CWH43: variants seen among roughly 807,000 people sequenced by gnomAD.
CWH43 encodes the protein cell wall biogenesis 43 C-terminal homolog, also known as PGAP2-interacting protein.
A neutral mutation model predicts 85.7 loss-of-function variants in CWH43; 91 were observed. The ratio of observed to expected loss-of-function variants is 1.06; its 90% CI spans 0.90 to 1.26. The LOEUF is 1.26. Ranked by LOEUF, CWH43 falls within the 50% of genes most tolerant of loss-of-function variation. The pLI, the probability that CWH43 is intolerant of heterozygous loss-of-function variation, is 0.00. For missense variants in CWH43, 869 were observed against 839.2 expected (o/e 1.04, Z -0.44); for synonymous variants, 323 against 293.6 (o/e 1.10, Z -1.02).
intron 13 of CWH43, among the ~76,000 whole-genome samples, chr4:49,038,576 G>GA (rs754799613): frequency 2.6e-4 from 39 of 152,240 alleles, no homozygotes; most frequent in African/African-American, 5.8e-4. Flanking sequence ...AAGAGAACCA[G>GA]AAAAAATCTG....
intron 15 of CWH43, among the ~76,000 whole-genome samples, chr4:49,059,132 G>A (rs1410648860): frequency 3.9e-5 from 6 of 152,016 alleles, no homozygotes; most frequent in Non-Finnish European, 2.9e-5. Flanking sequence ...AATTTCTGTA[G>A]GCTATCTCCA....
chr4:49,030,777 G>C (rs748803293), intron 10 of CWH43, 48 bp from the exon 11 acceptor site: 1 of 1,483,300 alleles, frequency 6.7e-7, no homozygotes, highest in East Asian at 2.5e-5. Context: ...ATTGTTTTTT[G>C]CCTTGCTGTG....
At chr4:49,027,405 A>G (rs1177897580) in intron 9 of CWH43, among the ~76,000 whole-genome samples, 1 of 152,192 alleles carries the variant, frequency 6.6e-6, no homozygotes, top group Non-Finnish European at 1.5e-5. Context: ...GATGACATCT[A>G]GAATTAATTA....
intron 15 of CWH43, 130 bp from the exon 16 acceptor site, chr4:49,061,682 C>T (rs1311373850): frequency 1.6e-5 from 13 of 804,968 alleles, no homozygotes; most frequent in Non-Finnish European, 2.2e-5. Context: ...TTTGCCTTTC[C>T]TATATGCATG....
intron 1 of CWH43, among the ~76,000 whole-genome samples, chr4:48,987,766 GTA>G (rs1782539881): frequency 6.6e-6 from 1 of 152,150 alleles, no homozygotes; most frequent in South Asian, 2.1e-4. Flanking sequence ...TCAGATCTGG[GTA>G]TTCCACTACC....
intron 12 of CWH43, among the ~76,000 whole-genome samples, chr4:49,037,084 G>T (rs1478405209): frequency 6.6e-6 from 1 of 152,106 alleles, no homozygotes; most frequent in Non-Finnish European, 1.5e-5. Flanking sequence ...AGTTCACTTT[G>T]TTTGAAACAT....
intron 15 of CWH43, among the ~76,000 whole-genome samples, chr4:49,057,039 G>T (rs1263947941): frequency 1.3e-5 from 2 of 152,150 alleles, no homozygotes; most frequent in African/African-American, 4.8e-5. Flanking sequence ...TCTTGAATTT[G>T]TTAAGGCTTG....
In CWH43 at chr4:48,991,555, T is replaced by C. The variant is rs1415857655; in HGVS notation, c.337T>C (p.Ser113Pro). The C allele has an allele frequency of 1.2e-6, 2 of 1,614,004 alleles. No individual in the cohort carries two copies. Among genetic ancestry groups the C allele is most frequent in the Non-Finnish European group, 1.7e-6 (2 of 1,179,964 alleles). Residue 113 changes from serine to proline, a missense_variant, in exon 3 of 16, where the codon TCA becomes CCA. Coordinates refer to ENST00000226432, the MANE Select transcript of CWH43 (RefSeq NM_025087.3). ...SLIVQAVTWW[S>P]GSHLQRYLRI... ...GATAGTGCAAGCTGTGACTTGGTGG[T>C]CAGGAAGTCATTTGCAAAGGTATGG...
intron 10 of CWH43, among the ~76,000 whole-genome samples, chr4:49,030,303 G>C (rs576153000): frequency 1.4e-4 from 22 of 152,282 alleles, no homozygotes; most frequent in African/African-American, 4.6e-4. Context: ...AATGATAAGC[G>C]TGCCTCCTGA....
intron 15 of CWH43, among the ~76,000 whole-genome samples, chr4:49,058,222 C>T (rs1785029629): frequency 6.6e-6 from 1 of 151,976 alleles, no homozygotes. Flanking sequence ...TAACAGTATG[C>T]TTTGATTGCT....
Position 49,032,594 on chromosome 4 carries a change from G to A in CWH43, c.1537G>A (p.Val513Met), listed in dbSNP as rs1243806976. 6 of 1,613,866 alleles carry A rather than the reference G, an allele frequency of 3.7e-6. No homozygotes were observed. Among genetic ancestry groups the A allele is most frequent in the Admixed American group, 1.7e-5 (1 of 59,994 alleles). ...GIMALSRYPI[V>M]KSEHHLLPSP... The stretch of plus-strand genomic sequence containing the variant: ...TATGGCTTTGTCAAGATACCCAATT[G>A]TGAAATCTGAGCATCACCTTCTTCC... The change falls in exon 12 of 16, where the codon GTG (valine) becomes ATG (methionine). Residue 513 changes from valine to methionine, a missense_variant. By Grantham distance (21) the Val-to-Met change is conservative. Coordinates refer to ENST00000226432, the MANE Select transcript of CWH43 (RefSeq NM_025087.3).
chr4:49,025,708 T>C (rs1193436559), intron 9 of CWH43, among the ~76,000 whole-genome samples: 5 of 152,188 alleles, frequency 3.3e-5, no homozygotes, highest in Non-Finnish European at 5.9e-5. Context: ...GTGATCCATC[T>C]TCAAATCTCT....
intron 6 of CWH43, among the ~76,000 whole-genome samples, chr4:48,999,141 A>G (rs1183648208): frequency 6.6e-6 from 1 of 152,118 alleles, no homozygotes; most frequent in Admixed American, 6.5e-5. Context: ...ATGTGCTCTC[A>G]TCATTCAGCT....
intron 10 of CWH43, among the ~76,000 whole-genome samples, chr4:49,029,547 G>A (rs1336794828): frequency 6.6e-6 from 1 of 152,218 alleles, no homozygotes; most frequent in Non-Finnish European, 1.5e-5. Context: ...AGGAGGATTA[G>A]TAAAAGAGGA....
At chr4:49,050,874 C>T in intron 15 of CWH43, 25 bp downstream of exon 15, 1 of 1,563,038 alleles carries the variant, frequency 6.4e-7, no homozygotes, top group Non-Finnish European at 8.8e-7. Context: ...GCTGTAGTTC[C>T]AGTTATGAGC....
At chr4:48,999,324 T>C (rs187934329) in intron 6 of CWH43, among the ~76,000 whole-genome samples, 59 of 152,350 alleles carry the variant, frequency 3.9e-4, no homozygotes, top group Admixed American at 1.8e-3. Context: ...CAGTTTACCA[T>C]TGATGGGCAT....
intron 13 of CWH43, among the ~76,000 whole-genome samples, chr4:49,039,371 A>G (rs1392980099): frequency 1.1e-4 from 9 of 85,526 alleles, no homozygotes; most frequent in East Asian, 2.6e-4. Flanking sequence ...ATACTGATGT[A>G]TATATATACT....
In CWH43 at chr4:48,994,768, A is replaced by T; in HGVS notation, c.661A>T (p.Arg221Ter). 6.2e-7 allele frequency: 1 copy of T among 1,614,030 alleles called. No individual in the cohort carries two copies. The highest frequency in any genetic ancestry group is 8.5e-7 in the Non-Finnish European group (1 of 1,180,014). Residue 221 changes from arginine (R) to a stop codon, truncating the protein, a stop_gained, in exon 5 of 16, where the codon AGA (arginine) becomes TGA (stop). Coordinates refer to ENST00000226432, the MANE Select transcript of CWH43 (RefSeq NM_025087.3). LOFTEE classifies it high-confidence loss of function. Reference protein sequence around the residue: ...WVFGEVSLVSRWAVSGHPHPG... With the variant: ...WVFGEVSLVS ...TTTTGGAGAAGTCTCTCTTGTTTCC[A>T]GATGGGCAGTGAGTGGGCATCCACA...
intron 6 of CWH43, among the ~76,000 whole-genome samples, chr4:49,002,343 T>C (rs1783016335): frequency 6.6e-6 from 1 of 152,188 alleles, no homozygotes; most frequent in Non-Finnish European, 1.5e-5. Flanking sequence ...GGTGTATTTA[T>C]CCAGTGAAGT....
Sources: gnomAD v4.1 joint callset for allele counts (sites outside exome capture counted in the v4.1 genomes callset) on GRCh38, gnomAD v4.1.1 for gene constraint, MANE v1.5 for transcripts, NCBI Gene and HGNC (gene_info 2026-07-23, HGNC 2026-07-21) for gene names.